The following LRP12 variants were observed in gnomAD, a reference collection of about 807,000 sequenced individuals.
The protein encoded by LRP12 is LDL receptor related protein 12.
A neutral mutation model predicts 66.0 loss-of-function variants in LRP12; 14 were observed. The observed-to-expected ratio is 0.21, with a 90% CI of 0.14 to 0.33. The LOEUF (loss-of-function observed/expected upper bound fraction) is 0.33, where lower values mean the gene tolerates loss of function less well. Ranked by LOEUF, LRP12 falls within the 10% of genes least tolerant of loss-of-function variation. The probability of loss-of-function intolerance (pLI) is 1.00; values close to 1 mark genes in which losing one functional copy is unlikely to be tolerated. For missense variants in LRP12, 889 were observed against 1,053.4 expected (o/e 0.84, Z 2.16); for synonymous variants, 357 against 359.1 (o/e 0.99, Z 0.07).
chr8:104,557,479 C>A (rs1401306808), intron 1 of LRP12, among the ~76,000 whole-genome samples: 2 of 151,790 alleles, frequency 1.3e-5, no homozygotes, highest in Non-Finnish European at 2.9e-5. Context: ...CCACTATACA[C>A]CAACAGTAAC....
At chr8:104,502,364 C>G (rs1429534976) in intron 3 of LRP12, among the ~76,000 whole-genome samples, 1 of 152,206 alleles carries the variant, frequency 6.6e-6, no homozygotes, top group East Asian at 1.9e-4. Flanking sequence ...TACTTTCCAG[C>G]AGGTTCCTTG....
intron 1 of LRP12, among the ~76,000 whole-genome samples, chr8:104,548,669 A>AATTAATTATATAATTATTATATAAT (rs1564142541): frequency 1.7e-4 from 24 of 143,206 alleles, no homozygotes; most frequent in African/African-American, 3.4e-4. Flanking sequence ...TATATAATTA[A>AATTAATTATATAATTATTATATAAT]TATGGGTGCA....
chr8:104,568,853 GA>G (rs1381277679), intron 1 of LRP12, among the ~76,000 whole-genome samples: 1 of 152,126 alleles, frequency 6.6e-6, no homozygotes, highest in East Asian at 1.9e-4. Context: ...CTGCCCTTTG[GA>G]AAAGAGTTTG....
chr8:104,569,094 T>G (rs1812043412), intron 1 of LRP12, among the ~76,000 whole-genome samples: 2 of 152,166 alleles, frequency 1.3e-5, no homozygotes, highest in Admixed American at 6.5e-5. Flanking sequence ...AATAAAGTAC[T>G]GAGCCATGTT....
chr8:104,574,874 T>G (rs1478284618), intron 1 of LRP12, among the ~76,000 whole-genome samples: 1 of 152,192 alleles, frequency 6.6e-6, no homozygotes, highest in Non-Finnish European at 1.5e-5. Context: ...GATTTACACT[T>G]GAGGCTCACA....
rs1812392141 is a variant in LRP12, at chr8:104,589,027, G to C, written c.-130C>G. 2 of 518,686 alleles carry C rather than the reference G, an allele frequency of 3.9e-6. No homozygotes were observed. Among genetic ancestry groups the C allele is most frequent in the African/African-American group, 4.1e-5 (2 of 49,228 alleles). The allele number at this position is 518,686 out of a possible 1,614,324, so 32.1% of individuals were successfully genotyped here. ...CCACCGGCTGCTCCCTGCGCTCTCCGCGGCTGCGGGAGGGGGAAGGGAGGG... is the reference window on the plus strand; with the variant it reads ...CCACCGGCTGCTCCCTGCGCTCTCCCCGGCTGCGGGAGGGGGAAGGGAGGG... On this transcript the variant is annotated 5_prime_UTR_variant, in exon 1 of 7. Coordinates refer to ENST00000276654, the MANE Select transcript of LRP12 (RefSeq NM_013437.5).
At chr8:104,546,924 A>G (rs971039185) in intron 1 of LRP12, among the ~76,000 whole-genome samples, 1 of 142,882 alleles carries the variant, frequency 7.0e-6, no homozygotes, top group Non-Finnish European at 1.5e-5. Context: ...AATTATATAT[A>G]ATTATATATT....
chr8:104,523,943 C>T (rs1564135397), intron 2 of LRP12, among the ~76,000 whole-genome samples: 1 of 152,016 alleles, frequency 6.6e-6, no homozygotes, highest in Non-Finnish European at 1.5e-5. Context: ...CTCTAGCTAA[C>T]TTTAAGAATA....
At chr8:104,528,635 C>T (rs1323647185) in intron 2 of LRP12, among the ~76,000 whole-genome samples, 6 of 151,776 alleles carry the variant, frequency 4.0e-5, no homozygotes, top group East Asian at 3.9e-4. Context: ...ATTAGCTGGG[C>T]GTGGTGGCGC....
chr8:104,548,597 TAGA>T (rs1811672484), intron 1 of LRP12, among the ~76,000 whole-genome samples: 3 of 70,668 alleles, frequency 4.2e-5, no homozygotes, highest in Non-Finnish European at 8.7e-5. Context: ...GTATATAATA[TAGA>T]ATTATATAAT....
chr8:104,585,657 G>A (rs1261612732), intron 1 of LRP12, among the ~76,000 whole-genome samples: 1 of 152,140 alleles, frequency 6.6e-6, no homozygotes, highest in Non-Finnish European at 1.5e-5. Flanking sequence ...AGAAAGAGGA[G>A]GAATAAATAG....
In LRP12 at chr8:104,559,801, A is replaced by G. The variant is rs76082001; in HGVS notation, c.80-27838T>C. On this transcript the variant is annotated intron_variant, in intron 1 of 6. Coordinates refer to ENST00000276654, the MANE Select transcript of LRP12 (RefSeq NM_013437.5). ...ATTTGATATTCAAAAAAAGTTTTTT[A>G]AGTTATCCATTGTAAATATGTCTAG... is the stretch of plus-strand genomic sequence containing the variant. Among the ~76,000 whole-genome samples, 405 of 152,278 alleles carry G rather than the reference A, an allele frequency of 2.7e-3. 5 individuals are homozygous for G. Among genetic ancestry groups the G allele is most frequent in the African/African-American group, 9.3e-3 (386 of 41,566 alleles).
At chr8:104,575,994 G>C (rs529285260) in intron 1 of LRP12, among the ~76,000 whole-genome samples, 2 of 152,160 alleles carry the variant, frequency 1.3e-5, no homozygotes, top group African/African-American at 4.8e-5. Context: ...ATTAATAGCA[G>C]AACAGACCAA....
At chr8:104,516,831 A>G (rs973575516) in intron 2 of LRP12, among the ~76,000 whole-genome samples, 5 of 152,108 alleles carry the variant, frequency 3.3e-5, no homozygotes, top group Non-Finnish European at 7.4e-5. Context: ...CACCTAAAAA[A>G]TTACAGAAAA....
At position 104,541,453 on chromosome 8, in the gene LRP12, AG is replaced by A. The variant is rs1460213501; in HGVS notation, c.80-9491del. On this transcript the variant is annotated intron_variant, in intron 1 of 6. Transcript: ENST00000276654. ...TGAGTTTGAAAGAATTCAGAACGCC[AG>A]GAAAAAAAATTACACACCTATATTT... Among the ~76,000 whole-genome samples, 13 of 152,342 alleles carry A rather than the reference AG, an allele frequency of 8.5e-5. No homozygotes were observed. The East Asian group carries it at 2.5e-3, about 29-fold the overall frequency.
chr8:104,549,541 T>C (rs1483070727), intron 1 of LRP12, among the ~76,000 whole-genome samples: 1 of 151,694 alleles, frequency 6.6e-6, no homozygotes, highest in Non-Finnish European at 1.5e-5. Flanking sequence ...TAGCTGGGAC[T>C]ACAGGCGCCT....
chr8:104,524,572 A>T (rs1466624604), intron 2 of LRP12, among the ~76,000 whole-genome samples: 1 of 152,184 alleles, frequency 6.6e-6, no homozygotes, highest in African/African-American at 2.4e-5. Flanking sequence ...TATGAAGGCT[A>T]AGGGAAAAAT....
chr8:104,561,426 T>C (rs1811905127), intron 1 of LRP12, among the ~76,000 whole-genome samples: 1 of 152,236 alleles, frequency 6.6e-6, no homozygotes, highest in South Asian at 2.1e-4. Context: ...ATATGTCTAA[T>C]GCTTTCATCC....
intron 2 of LRP12, among the ~76,000 whole-genome samples, chr8:104,529,005 A>T (rs1483720941): frequency 6.6e-6 from 1 of 152,352 alleles, no homozygotes; most frequent in East Asian, 1.9e-4. Context: ...AAATATATTT[A>T]ATTAAAACAC....
Sources: allele counts gnomAD v4.1 joint callset (sites outside exome capture counted in the v4.1 genomes callset), GRCh38; gene constraint gnomAD v4.1.1; transcripts MANE v1.5; gene names NCBI Gene and HGNC (gene_info 2026-07-23, HGNC 2026-07-21).